The following DDC variants were observed in gnomAD, a reference collection of about 807,000 sequenced individuals.
DDC encodes the protein dopa decarboxylase.
A neutral mutation model predicts 60.0 loss-of-function variants in DDC; 43 were observed. The ratio of observed to expected loss-of-function variants is 0.72; its 90% CI spans 0.56 to 0.92. The LOEUF is 0.92. Ranked by LOEUF, DDC falls within the 40% of genes least tolerant of loss-of-function variation. The pLI is 0.00. For missense variants in DDC, 573 were observed against 620.2 expected (o/e 0.92, Z 0.81); for synonymous variants, 232 against 234.6 (o/e 0.99, Z 0.10).
At chr7:50,556,280 C>T (rs2045184587) in intron 1 of DDC, among the ~76,000 whole-genome samples, 1 of 152,090 alleles carries the variant, frequency 6.6e-6, no homozygotes, top group African/African-American at 2.4e-5. Flanking sequence ...ATTAAGGCCC[C>T]GGCAGATTTG....
At chr7:50,528,916 C>A (rs973521181) in intron 5 of DDC, among the ~76,000 whole-genome samples, 1 of 152,132 alleles carries the variant, frequency 6.6e-6, no homozygotes, top group African/African-American at 2.4e-5. Context: ...TATCTAGTTT[C>A]TCTGCAATGG....
chr7:50,533,902 G>C (rs1014051486), intron 4 of DDC, among the ~76,000 whole-genome samples: 1 of 152,210 alleles, frequency 6.6e-6, no homozygotes, highest in Non-Finnish European at 1.5e-5. Context: ...GACCCTGGCC[G>C]ATGGAGGAAA....
chr7:50,529,445 A>G, intron 4 of DDC, 103 bp from the exon 5 acceptor site: 1 of 1,445,668 alleles, frequency 6.9e-7, no homozygotes, highest in South Asian at 1.2e-5. Context: ...TTTTCTTAAA[A>G]TATGAGTCTG....
intron 6 of DDC, among the ~76,000 whole-genome samples, chr7:50,522,104 T>G (rs1014421252): frequency 1.2e-4 from 18 of 151,856 alleles, no homozygotes; most frequent in African/African-American, 4.4e-4. Flanking sequence ...AATGATAATA[T>G]TAGATAAAAG....
chr7:50,490,006 T>C (rs1217180328), intron 9 of DDC, among the ~76,000 whole-genome samples: 1 of 152,238 alleles, frequency 6.6e-6, no homozygotes, highest in East Asian at 1.9e-4. Context: ...AAGTCTCTTC[T>C]CTCAAAGAAT....
chr7:50,521,327 G>A (rs948263395), intron 6 of DDC, among the ~76,000 whole-genome samples: 1 of 152,088 alleles, frequency 6.6e-6, no homozygotes. Flanking sequence ...CTAAAACAAA[G>A]AAACCATGCC....
intron 11 of DDC, 101 bp downstream of exon 11, chr7:50,476,523 C>T (rs977952357): frequency 1.4e-5 from 16 of 1,122,016 alleles, no homozygotes; most frequent in East Asian, 4.7e-5. Context: ...CCCACCAGTG[C>T]GTGCTGATCA....
At chr7:50,464,229 G>A (rs11575536) in intron 13 of DDC, among the ~76,000 whole-genome samples, 4,854 of 152,234 alleles carry the variant, frequency 0.032, 100 homozygotes, top group Middle Eastern at 0.075. Flanking sequence ...CCTGTCTTCA[G>A]AGTGGAGAAG....
rs536559908 is a variant in DDC, at chr7:50,531,864, T to C, written c.436-2522A>G. On this transcript the variant is annotated intron_variant, in intron 4 of 14. Transcript: ENST00000444124. ...CGATAGCAGCAGACAAAGGTTGCCA[T>C]GGCAAGCCTGCTCAGGAGGTAGGAG... The C allele has an allele frequency of 2.6e-5, 4 of 152,300 alleles. No individual in the cohort carries two copies. The South Asian group carries it at 8.3e-4, about 32-fold the overall frequency. 9.4% of individuals were successfully genotyped at this position (152,300 alleles called of 1,614,324 possible).
intron 9 of DDC, among the ~76,000 whole-genome samples, chr7:50,488,404 G>C (rs2042930568): frequency 6.6e-6 from 1 of 151,868 alleles, no homozygotes; most frequent in Non-Finnish European, 1.5e-5. Context: ...GTAAATAAAA[G>C]AGATGCAAAA....
At chr7:50,511,757 T>C (rs2043588027) in intron 6 of DDC, among the ~76,000 whole-genome samples, 1 of 151,606 alleles carries the variant, frequency 6.6e-6, no homozygotes, top group African/African-American at 2.4e-5. Context: ...AGAAAAAAAA[T>C]TGATTCACAT....
intron 8 of DDC, 57 bp from the exon 9 acceptor site, chr7:50,495,474 T>C: frequency 7.6e-7 from 1 of 1,323,800 alleles, no homozygotes; most frequent in Non-Finnish European, 1.1e-6. Flanking sequence ...TGTTTAATTA[T>C]AAAGAAGACC....
At chr7:50,489,227 G>A (rs1180162431) in intron 9 of DDC, among the ~76,000 whole-genome samples, 6 of 152,046 alleles carry the variant, frequency 3.9e-5, no homozygotes, top group South Asian at 2.1e-4. Flanking sequence ...GGCTGGTCTC[G>A]AAGTCCTGAC....
chr7:50,486,787 AG>A (rs2042888509), intron 9 of DDC, among the ~76,000 whole-genome samples: 2 of 152,236 alleles, frequency 1.3e-5, no homozygotes, highest in African/African-American at 4.8e-5. Context: ...TTAAGCTTAA[AG>A]CTAAGTCATG....
chr7:50,494,323 C>T (rs142482683), intron 9 of DDC, among the ~76,000 whole-genome samples: 4 of 152,152 alleles, frequency 2.6e-5, no homozygotes, highest in Non-Finnish European at 4.4e-5. Flanking sequence ...CTGCCTAACA[C>T]GGTGAAACCT....
intron 1 of DDC, among the ~76,000 whole-genome samples, chr7:50,551,773 A>G (rs2045003366): frequency 6.6e-6 from 1 of 152,188 alleles, no homozygotes. Flanking sequence ...ATTCTGACCT[A>G]TGAGAATGTC....
At chr7:50,500,080 C>A (rs749207750) in intron 7 of DDC, among the ~76,000 whole-genome samples, 1 of 152,108 alleles carries the variant, frequency 6.6e-6, no homozygotes, top group African/African-American at 2.4e-5. Flanking sequence ...GCCTCTCAGC[C>A]CTAGGCACCC....
chr7:50,517,202 T>G (rs1312437242), intron 6 of DDC, among the ~76,000 whole-genome samples: 1 of 152,122 alleles, frequency 6.6e-6, no homozygotes, highest in Admixed American at 6.5e-5. Context: ...TCCAAAAATA[T>G]ATCATAAAGA....
chr7:50,512,380 CT>C (rs2043603571), intron 6 of DDC, among the ~76,000 whole-genome samples: 1 of 152,186 alleles, frequency 6.6e-6, no homozygotes, highest in African/African-American at 2.4e-5. Flanking sequence ...CTAAACAAAA[CT>C]TTTACCTACT....
Sources: allele counts gnomAD v4.1 joint callset (sites outside exome capture counted in the v4.1 genomes callset), GRCh38; gene constraint gnomAD v4.1.1; transcripts MANE v1.5; gene names NCBI Gene and HGNC (gene_info 2026-07-23, HGNC 2026-07-21).